Variants in PCDHGA9 observed in about 807,000 individuals in gnomAD.
PCDHGA9 encodes the protein protocadherin gamma-A9.
PCDHGA9 carries 37 observed loss-of-function variants against 62.5 expected under a neutral mutation model. That is an observed-to-expected ratio of 0.59 (90% CI 0.46 to 0.78). The LOEUF (loss-of-function observed/expected upper bound fraction) is 0.78. PCDHGA9 is among the 30% of genes least tolerant of loss of function. The pLI, the probability that PCDHGA9 is intolerant of heterozygous loss-of-function variation, is 0.00. For missense variants in PCDHGA9, 1,138 were observed against 1,166.2 expected (o/e 0.98, Z 0.35); for synonymous variants, 459 against 484.6 (o/e 0.95, Z 0.69).
chr5:141,423,119 G>A (rs769320490), intron 1 of PCDHGA9: 1 of 1,613,774 alleles, frequency 6.2e-7, no homozygotes, highest in South Asian at 1.1e-5. Context: ...CGTACAGCGC[G>A]GGCACTGCTG....
In PCDHGA9 at chr5:141,419,703, G is replaced by C. The variant is rs2096418539; in HGVS notation, c.2424+14327G>C. 1 of 1,612,946 alleles carries C rather than the reference G, an allele frequency of 6.2e-7. No individual in the cohort carries two copies. The highest frequency in any genetic ancestry group is 1.3e-5 in the African/African-American group (1 of 74,946). The stretch of plus-strand genomic sequence containing the variant: ...CACGTGGTGCAGGCCAGTGAGCCCG[G>C]GCTCTTCAGCCTGGGGCTGCGAACA... On this transcript the variant is annotated intron_variant, in intron 1 of 3. Coordinates refer to ENST00000573521, the MANE Select transcript of PCDHGA9 (RefSeq NM_018921.3).
At position 141,487,636 on chromosome 5, in the gene PCDHGA9, A is replaced by G. The variant is rs780468230; in HGVS notation, c.2425-7171A>G. 3 of 1,614,192 alleles carry G rather than the reference A, an allele frequency of 1.9e-6. No homozygotes were observed. Among genetic ancestry groups the G allele is most frequent in the Non-Finnish European group, 1.7e-6 (2 of 1,180,030 alleles). Reference sequence around the variant, plus strand: ...TAGAGGTGAGACCTTTGCAGGCTCAACAAATGCTTGAGGGTTATTCTGATC... The same window carrying G: ...TAGAGGTGAGACCTTTGCAGGCTCAGCAAATGCTTGAGGGTTATTCTGATC... On this transcript the variant is annotated intron_variant, in intron 1 of 3. Transcript: ENST00000573521. This position sits in a 1 kb window ranked among gnomAD's most constrained non-coding sequence, Gnocchi z 5.0.
chr5:141,426,858 T>G (rs898486771), intron 1 of PCDHGA9: 13 of 456,574 alleles, frequency 2.8e-5, no homozygotes, highest in African/African-American at 8.0e-5. Context: ...CGCTCCAGAA[T>G]TAGTGCTGGA....
intron 1 of PCDHGA9, among the ~76,000 whole-genome samples, chr5:141,438,223 CA>C: frequency 6.6e-6 from 1 of 151,912 alleles, no homozygotes; most frequent in Non-Finnish European, 1.5e-5. Context: ...GGCTCTGGTT[CA>C]GGAAAATGTT....
Position 141,486,344 on chromosome 5 carries a change from G to C in PCDHGA9, c.2425-8463G>C. 6.2e-7 allele frequency: 1 copy of C among 1,614,062 alleles called. No homozygotes were observed. The highest frequency in any genetic ancestry group is 8.5e-7 in the Non-Finnish European group (1 of 1,180,022). On this transcript the variant is annotated intron_variant, in intron 1 of 3. Transcript: ENST00000573521. The surrounding 1 kb of genome is among the most constrained non-coding windows in gnomAD (Gnocchi z 5.0). Reference sequence around the variant, plus strand: ...CGGAGATGTGAGCCTCCGCATTCCTGACCACTTGCCATTTGCCCTCAAGTC... The same window carrying C: ...CGGAGATGTGAGCCTCCGCATTCCTCACCACTTGCCATTTGCCCTCAAGTC...
intron 1 of PCDHGA9, chr5:141,418,009 C>G (rs780624400): frequency 6.2e-7 from 1 of 1,613,776 alleles, no homozygotes; most frequent in African/African-American, 1.3e-5. Context: ...TGGGGAACCT[C>G]GCTAAGGATC....
chr5:141,429,390 A>ATT (rs1561841316), intron 1 of PCDHGA9, among the ~76,000 whole-genome samples: 8 of 150,216 alleles, frequency 5.3e-5, no homozygotes, highest in African/African-American at 1.7e-4. Flanking sequence ...TTTTTTTTAA[A>ATT]AAAAATTGAG....
chr5:141,483,903 G>C (rs1167942546), intron 1 of PCDHGA9, among the ~76,000 whole-genome samples: 1 of 151,282 alleles, frequency 6.6e-6, no homozygotes, highest in Admixed American at 6.6e-5. Context: ...GCTCTGGTGT[G>C]TTTCCCACTC....
At position 141,487,577 on chromosome 5, in the gene PCDHGA9, C is replaced by T; in HGVS notation, c.2425-7230C>T. 1 of 1,614,150 alleles carries T rather than the reference C, an allele frequency of 6.2e-7. No homozygotes were observed. Among genetic ancestry groups the T allele is most frequent in the Non-Finnish European group, 8.5e-7 (1 of 1,180,024 alleles). On this transcript the variant is annotated intron_variant, in intron 1 of 3. Transcript: ENST00000573521. This position sits in a 1 kb window ranked among gnomAD's most constrained non-coding sequence, Gnocchi z 5.0. ...ACCTATGGCAGGGGAGCCTGTTCGCCCAAGCTGCCCACCCTCTGATCTTCT... is the reference window on the plus strand; with the variant it reads ...ACCTATGGCAGGGGAGCCTGTTCGCTCAAGCTGCCCACCCTCTGATCTTCT...
intron 1 of PCDHGA9, among the ~76,000 whole-genome samples, chr5:141,492,409 C>A (rs1367119266): frequency 6.6e-6 from 1 of 152,230 alleles, no homozygotes; most frequent in Non-Finnish European, 1.5e-5. Flanking sequence ...TCCCCTCTGC[C>A]GCTCCCTCCG....
intron 1 of PCDHGA9, among the ~76,000 whole-genome samples, chr5:141,454,628 A>C (rs1008375225): frequency 1.3e-4 from 19 of 151,334 alleles, no homozygotes; most frequent in African/African-American, 4.4e-4. Context: ...CTGGTCTCGA[A>C]CCCCCAACCT....
chr5:141,421,467 G>T (rs1436543181), intron 1 of PCDHGA9: 1 of 1,614,132 alleles, frequency 6.2e-7, no homozygotes, highest in South Asian at 1.1e-5. Flanking sequence ...CTGTGAATCC[G>T]CGAAGCGGCA....
chr5:141,427,193 CTT>C (rs2096998045), intron 1 of PCDHGA9: 3 of 456,614 alleles, frequency 6.6e-6, no homozygotes, highest in Non-Finnish European at 8.8e-6. Context: ...AATCCAAAGA[CTT>C]AATAGACTTC....
intron 2 of PCDHGA9, among the ~76,000 whole-genome samples, chr5:141,498,962 A>G (rs1257746192): frequency 8.0e-6 from 1 of 124,866 alleles, no homozygotes; most frequent in Non-Finnish European, 1.7e-5. Context: ...AGAGAGAGGG[A>G]GGGAGGGAGG....
intron 2 of PCDHGA9, among the ~76,000 whole-genome samples, chr5:141,503,797 G>A (rs2099831309): frequency 6.6e-6 from 1 of 152,006 alleles, no homozygotes; most frequent in South Asian, 2.1e-4. Context: ...ATCTACTTAG[G>A]GACGGGGAAT....
intron 1 of PCDHGA9, chr5:141,410,274 A>G: frequency 4.3e-6 from 7 of 1,613,948 alleles, no homozygotes; most frequent in Non-Finnish European, 5.9e-6. Context: ...CTGCAGTTTT[A>G]CCTGGTGGTG....
chr5:141,430,992 A>G (rs1223969128), intron 1 of PCDHGA9: 2 of 1,613,824 alleles, frequency 1.2e-6, no homozygotes, highest in Admixed American at 3.3e-5. Context: ...TTCGCCCTGA[A>G]TCCGCGCAGC....
Position 141,431,996 on chromosome 5 carries a change from G to A in PCDHGA9, c.2424+26620G>A, listed in dbSNP as rs766891220. ...AGTCACAGACATAGTCTTGGATAGGGAACAGGTTCCTAGCTACAACATCAC... is the reference window on the plus strand; with the variant it reads ...AGTCACAGACATAGTCTTGGATAGGAAACAGGTTCCTAGCTACAACATCAC... On this transcript the variant is annotated intron_variant, in intron 1 of 3. Transcript: ENST00000573521. The surrounding 1 kb of genome is among the most constrained non-coding windows in gnomAD (Gnocchi z 4.8). 1.9e-6 allele frequency: 3 copies of A among 1,614,192 alleles called. No homozygotes were observed. In the East Asian group the frequency reaches 6.7e-5, roughly 36 times the overall value.
intron 1 of PCDHGA9, chr5:141,411,968 T>C (rs1257112227): frequency 6.6e-6 from 1 of 152,260 alleles, no homozygotes; most frequent in Non-Finnish European, 1.5e-5. Flanking sequence ...GATAAAATCT[T>C]TGAAGAGTTC....
Sources: allele counts gnomAD v4.1 joint callset (sites outside exome capture counted in the v4.1 genomes callset), GRCh38; gene constraint gnomAD v4.1.1; non-coding constraint Gnocchi (gnomAD v3.1); transcripts MANE v1.5; gene names NCBI Gene and HGNC (gene_info 2026-07-23, HGNC 2026-07-21).